MTOR: variants seen among roughly 807,000 people sequenced by gnomAD.
MTOR encodes the protein mechanistic target of rapamycin kinase.
In MTOR, 70 loss-of-function variants were observed where a neutral mutation model predicts 319.8. The observed-to-expected ratio is 0.22, with a 90% CI of 0.18 to 0.27. The LOEUF is 0.27. MTOR is among the 10% of genes least tolerant of loss of function. The pLI, the probability that MTOR is intolerant of heterozygous loss-of-function variation, is 1.00. For synonymous variants in MTOR, 1,183 were observed against 1,211.4 expected (o/e 0.98, Z 0.49); for missense variants, 1,890 against 3,274.4 (o/e 0.58, Z 10.32).
intron 24 of MTOR, among the ~76,000 whole-genome samples, chr1:11,209,983 T>C (rs182054158): frequency 4.3e-4 from 65 of 152,198 alleles, no homozygotes; most frequent in African/African-American, 1.5e-3. Flanking sequence ...TTCTCTTGCC[T>C]GAGCCTCCTG....
chr1:11,240,101 C>T (rs531109251), intron 11 of MTOR, among the ~76,000 whole-genome samples: 1 of 152,222 alleles, frequency 6.6e-6, no homozygotes, highest in East Asian at 1.9e-4. Flanking sequence ...AACCATTTGC[C>T]CCCAAACTCA....
intron 20 of MTOR, among the ~76,000 whole-genome samples, chr1:11,215,938 A>G (rs901655722): frequency 2.6e-5 from 4 of 152,222 alleles, no homozygotes; most frequent in Admixed American, 2.6e-4. Context: ...ATTTCTCTTC[A>G]GCCTTCATGC....
At chr1:11,167,311 G>GT (rs1644678498) in intron 29 of MTOR, 131 bp downstream of exon 29, 3 of 685,110 alleles carry the variant, frequency 4.4e-6, no homozygotes, top group Non-Finnish European at 7.8e-6. Flanking sequence ...CTGAAGACTG[G>GT]TAAGTCAGCA....
Position 11,204,636 on chromosome 1 carries a change from T to A in MTOR, c.3869A>T (p.Glu1290Val), listed in dbSNP as rs1365691704. Reference sequence around the variant, plus strand: ...GGGCGATGATGAGTCCTTCAGCAGCTCCAGGCTCAGCCGTCTCAGCCATTC... The same window carrying A: ...GGGCGATGATGAGTCCTTCAGCAGCACCAGGCTCAGCCGTCTCAGCCATTC... ...WLEWLRRLSL[E>V]LLKDSSSPSL... The change falls in exon 26 of 58, where the codon GAG becomes GTG. Residue 1290 changes from glutamate to valine, a missense_variant. Coordinates refer to ENST00000361445, the MANE Select transcript of MTOR (RefSeq NM_004958.4). 6.2e-7 allele frequency: 1 copy of A among 1,614,172 alleles called. No individual in the cohort carries two copies.
chr1:11,230,565 C>A (rs906531036), intron 18 of MTOR, among the ~76,000 whole-genome samples: 3 of 152,178 alleles, frequency 2.0e-5, no homozygotes, highest in Admixed American at 6.5e-5. Context: ...ATTCTATCCT[C>A]TTCTTCTGTA....
chr1:11,177,822 T>C (rs910030486), intron 28 of MTOR, among the ~76,000 whole-genome samples: 1 of 152,066 alleles, frequency 6.6e-6, no homozygotes, highest in South Asian at 2.1e-4. Context: ...CTTTTCAAGA[T>C]TGGTGAGTGG....
chr1:11,193,526 G>A (rs769275209), intron 28 of MTOR: 4 of 1,512,290 alleles, frequency 2.6e-6, no homozygotes, highest in Non-Finnish European at 3.6e-6. Context: ...CTGCCCTCTT[G>A]CTCCTGCCTT....
chr1:11,241,170 A>C (rs937780321), intron 10 of MTOR, among the ~76,000 whole-genome samples: 6 of 151,734 alleles, frequency 4.0e-5, no homozygotes, highest in Non-Finnish European at 8.8e-5. Flanking sequence ...AAATACAAAG[A>C]ATTAGCCAGG....
At chr1:11,229,950 A>C (rs1460496144) in intron 18 of MTOR, among the ~76,000 whole-genome samples, 1 of 152,082 alleles carries the variant, frequency 6.6e-6, no homozygotes, top group Non-Finnish European at 1.5e-5. Context: ...TGGGTGACAA[A>C]GTGAGACCCT....
At position 11,106,941 on chromosome 1, in the gene MTOR, C is replaced by A; in HGVS notation, c.*544G>T. On this transcript the variant is annotated 3_prime_UTR_variant, in exon 58 of 58. Coordinates refer to ENST00000361445, the MANE Select transcript of MTOR (RefSeq NM_004958.4). ...TGATGGAAGACAGACCTTTTGTACT[C>A]ATTTTGGCCTATCTTGCAAACATTT... 7.3e-7 allele frequency: 1 copy of A among 1,370,364 alleles called. No individual in the cohort carries two copies. The highest frequency in any genetic ancestry group is 9.6e-7 in the Non-Finnish European group (1 of 1,038,708). The allele number at this position is 1,370,364 out of a possible 1,614,324, so 84.9% of individuals were successfully genotyped here. A position where few individuals can be genotyped will look rare whatever the true frequency, so the allele number is the denominator to read the frequency against.
intron 29 of MTOR, among the ~76,000 whole-genome samples, chr1:11,165,079 G>T (rs532795716): frequency 6.6e-6 from 1 of 152,208 alleles, no homozygotes; most frequent in Admixed American, 6.5e-5. Flanking sequence ...AATAAATTAG[G>T]TATTGATGGG....
chr1:11,256,260 CTT>C, intron 4 of MTOR, 68 bp from the exon 5 acceptor site: 1 of 1,546,480 alleles, frequency 6.5e-7, no homozygotes, highest in Non-Finnish European at 8.7e-7. Context: ...AGTACAGTCT[CTT>C]GTCATCTTAG....
At chr1:11,182,231 A>AG (rs1645183826) in intron 28 of MTOR, among the ~76,000 whole-genome samples, 2 of 152,230 alleles carry the variant, frequency 1.3e-5, no homozygotes, top group Admixed American at 1.3e-4. Context: ...AAAAAAAAAA[A>AG]AAGTACAAAC....
At chr1:11,154,138 T>C (rs1393921787) in intron 30 of MTOR, among the ~76,000 whole-genome samples, 2 of 90,492 alleles carry the variant, frequency 2.2e-5, no homozygotes, top group African/African-American at 8.5e-5. Context: ...TATTGGACAA[T>C]ACAGCTTTAG....
At chr1:11,124,418 A>AT in intron 47 of MTOR, 80 bp downstream of exon 47, 1 of 1,529,892 alleles carries the variant, frequency 6.5e-7, no homozygotes. Flanking sequence ...GTTAAGATAT[A>AT]ATACATGACT....
chr1:11,262,259 G>A (rs1023404227), intron 1 of MTOR, among the ~76,000 whole-genome samples, 186 bp downstream of exon 1: 1 of 152,248 alleles, frequency 6.6e-6, no homozygotes, highest in Non-Finnish European at 1.5e-5. Context: ...TGGGGGTCCC[G>A]GGGAGGTGGG....
At chr1:11,193,070 T>G (rs1557826726) in intron 28 of MTOR, among the ~76,000 whole-genome samples, 1 of 152,016 alleles carries the variant, frequency 6.6e-6, no homozygotes, top group Non-Finnish European at 1.5e-5. Context: ...CCCAAGTTTT[T>G]TGGGAGGTGA....
intron 25 of MTOR, among the ~76,000 whole-genome samples, chr1:11,207,615 T>G (rs906882660): frequency 6.6e-5 from 8 of 121,370 alleles, no homozygotes; most frequent in African/African-American, 2.4e-4. Flanking sequence ...TTTTTTTTTT[T>G]GAGACAGGGT....
intron 50 of MTOR, among the ~76,000 whole-genome samples, chr1:11,116,482 T>C (rs1341962856): frequency 1.3e-5 from 2 of 152,066 alleles, no homozygotes; most frequent in African/African-American, 4.8e-5. Context: ...GCTTGGCTAA[T>C]TATTTTTTGT....
Sources: allele counts gnomAD v4.1 joint callset (sites outside exome capture counted in the v4.1 genomes callset), GRCh38; gene constraint gnomAD v4.1.1; transcripts MANE v1.5; gene names NCBI Gene and HGNC (gene_info 2026-07-23, HGNC 2026-07-21).